Variants in CDH18 observed in about 807,000 individuals in gnomAD.
CDH18 encodes cadherin-18.
Under a neutral mutation model 67.9 loss-of-function variants are expected in CDH18, and 31 were observed. That is an observed-to-expected ratio of 0.46 (90% CI 0.34 to 0.62). The LOEUF (loss-of-function observed/expected upper bound fraction) is 0.62. Ranked by LOEUF, CDH18 falls within the 20% of genes least tolerant of loss-of-function variation. CDH18 has a pLI of 0.01. For missense variants in CDH18, 890 were observed against 975.5 expected (o/e 0.91, Z 1.17); for synonymous variants, 362 against 347.2 (o/e 1.04, Z -0.48).
rs1749490206 is a variant in CDH18 at position 20,439,993 on chromosome 5, C to A, written c.-580+135469G>T. On this transcript the variant is annotated intron_variant, in intron 1 of 14. Coordinates refer to the CDH18 transcript ENST00000507958. ...GCTATAATATTGCTGTAAGAACATG[C>A]CAGCTTTTGTTTCTTTATTTCCTTT... 1.3e-5 allele frequency among the ~76,000 whole-genome samples: 2 copies of A among 151,430 alleles called. 1 individual carries two copies. The highest frequency in any genetic ancestry group is 4.9e-5 in the African/African-American group (2 of 41,064).
intron 2 of CDH18, among the ~76,000 whole-genome samples, chr5:19,897,372 G>A (rs893034162): frequency 1.3e-5 from 2 of 152,072 alleles, no homozygotes; most frequent in African/African-American, 4.8e-5. Flanking sequence ...AGACCACAAG[G>A]TGATACCACT....
chr5:19,577,100 T>C (rs1174629883), intron 7 of CDH18, among the ~76,000 whole-genome samples: 1 of 151,860 alleles, frequency 6.6e-6, no homozygotes, highest in Non-Finnish European at 1.5e-5. Context: ...GAGAGGTGAG[T>C]AGGAAAAGGG....
chr5:20,170,247 A>G (rs1736592419), intron 2 of CDH18, among the ~76,000 whole-genome samples: 1 of 146,322 alleles, frequency 6.8e-6, no homozygotes. Context: ...CTCATTGTTC[A>G]GCTCCCACTT....
At chr5:20,094,445 A>C (rs965787486) in intron 2 of CDH18, among the ~76,000 whole-genome samples, 3 of 152,072 alleles carry the variant, frequency 2.0e-5, no homozygotes, top group African/African-American at 7.2e-5. Flanking sequence ...TGGCTATACA[A>C]GCTCTTTTTT....
At chr5:19,941,695 G>C (rs1794834847) in intron 2 of CDH18, among the ~76,000 whole-genome samples, 1 of 152,036 alleles carries the variant, frequency 6.6e-6, no homozygotes, top group Non-Finnish European at 1.5e-5. Context: ...GCTGAGGCAG[G>C]AGGATCACTT....
At chr5:20,538,712 T>C (rs1013884024) in intron 1 of CDH18, among the ~76,000 whole-genome samples, 1 of 152,068 alleles carries the variant, frequency 6.6e-6, no homozygotes, top group African/African-American at 2.4e-5. Context: ...TTACTTAATA[T>C]AAATGAATCT....
intron 1 of CDH18, among the ~76,000 whole-genome samples, chr5:20,278,112 A>G (rs558864512): frequency 5.3e-5 from 8 of 152,308 alleles, no homozygotes; most frequent in Non-Finnish European, 1.0e-4. Context: ...TCAAAGGTCT[A>G]ATAACTTCTC....
chr5:19,964,054 A>G (rs539214684), intron 2 of CDH18, among the ~76,000 whole-genome samples: 2 of 152,078 alleles, frequency 1.3e-5, no homozygotes, highest in Non-Finnish European at 2.9e-5. Context: ...ACAATTTAAG[A>G]TGGGATTTGA....
chr5:20,388,387 T>G (rs1744507321), intron 1 of CDH18, among the ~76,000 whole-genome samples: 1 of 152,080 alleles, frequency 6.6e-6, no homozygotes. Flanking sequence ...GATGGTAGTT[T>G]GTATTTCTAT....
chr5:19,743,764 T>G (rs1356801184), intron 4 of CDH18, among the ~76,000 whole-genome samples: 2 of 151,782 alleles, frequency 1.3e-5, no homozygotes, highest in African/African-American at 4.8e-5. Flanking sequence ...CTACTAAAAT[T>G]ACAAACTTTA....
rs929503243 is a variant in CDH18 at position 20,338,472 on chromosome 5, G to A, written c.-579-82967C>T. 4.6e-5 allele frequency among the ~76,000 whole-genome samples: 7 copies of A among 152,090 alleles called. No individual in the cohort carries two copies. The East Asian group carries it at 5.8e-4, about 13-fold the overall frequency. Reference sequence around the variant, plus strand: ...GTTTTCCAATTACACACACTCCTCCGGCCTCTCATCAGGGACCAAGCCTCT... The same window carrying A: ...GTTTTCCAATTACACACACTCCTCCAGCCTCTCATCAGGGACCAAGCCTCT... On this transcript the variant is annotated intron_variant, in intron 1 of 14. Coordinates refer to the CDH18 transcript ENST00000507958.
At chr5:20,313,892 T>C (rs1206142160) in intron 1 of CDH18, among the ~76,000 whole-genome samples, 1 of 152,058 alleles carries the variant, frequency 6.6e-6, no homozygotes, top group Non-Finnish European at 1.5e-5. Flanking sequence ...TCTTATGTAC[T>C]CAAAGAAGGC....
intron 12 of CDH18, among the ~76,000 whole-genome samples, chr5:19,474,273 T>G (rs891057166): frequency 2.0e-5 from 3 of 152,158 alleles, no homozygotes; most frequent in African/African-American, 7.2e-5. Context: ...TAAAATTATA[T>G]TATCATGCAT....
chr5:19,770,822 T>C (rs1382372728), intron 3 of CDH18, among the ~76,000 whole-genome samples: 1 of 152,222 alleles, frequency 6.6e-6, no homozygotes, highest in African/African-American at 2.4e-5. Context: ...CATTTTTCTA[T>C]GCTTGTATCA....
chr5:19,588,299 G>A (rs187750398), intron 7 of CDH18, among the ~76,000 whole-genome samples: 6 of 151,880 alleles, frequency 4.0e-5, no homozygotes, highest in African/African-American at 1.2e-4. Context: ...TGATTGCCCT[G>A]GCCAGAAGCT....
At chr5:19,617,417 A>G (rs1750018211) in intron 5 of CDH18, among the ~76,000 whole-genome samples, 1 of 152,218 alleles carries the variant, frequency 6.6e-6, no homozygotes, top group Non-Finnish European at 1.5e-5. Flanking sequence ...TCTTTGATAA[A>G]ATCTTACTAA....
chr5:19,753,459 CCAA>C (rs1162006747), intron 3 of CDH18, among the ~76,000 whole-genome samples: 1 of 152,012 alleles, frequency 6.6e-6, no homozygotes, highest in African/African-American at 2.4e-5. Context: ...TCAAATTAAC[CCAA>C]TCCAACAAAG....
chr5:19,606,095 A>G (rs999594154), intron 6 of CDH18, among the ~76,000 whole-genome samples: 2 of 152,062 alleles, frequency 1.3e-5, no homozygotes, highest in Admixed American at 6.6e-5. Flanking sequence ...GTAAGTAAAG[A>G]AAGATCCGGA....
Position 20,056,478 on chromosome 5 carries a change from G to GTTTTTTTTTTTT in CDH18, c.-517-64476_-517-64465dup, listed in dbSNP as rs58415003. Among the ~76,000 whole-genome samples the GTTTTTTTTTTTT allele has an allele frequency of 2.5e-4, 4 of 16,288 alleles. 1 individual carries two copies. Among genetic ancestry groups the GTTTTTTTTTTTT allele is most frequent in the Admixed American group, 1.6e-3 (2 of 1,262 alleles). The allele number at this position is 16,288 out of a possible 152,430, so 10.7% of individuals were successfully genotyped here. A position where few individuals can be genotyped will look rare whatever the true frequency, so the allele number is the denominator to read the frequency against. On this transcript the variant is annotated intron_variant, in intron 2 of 14. Transcript: ENST00000507958. ...TATTTTTCTTTATTTTCTTTCTTTT[G>GTTTTTTTTTTTT]TTTTTTTTTTTTTTTTTTTTTTTTT...
Sources: gnomAD v4.1 joint callset for allele counts (sites outside exome capture counted in the v4.1 genomes callset) on GRCh38, gnomAD v4.1.1 for gene constraint, MANE v1.5 for transcripts, NCBI Gene and HGNC (gene_info 2026-07-23, HGNC 2026-07-21) for gene names.